UBR4: variants seen among roughly 807,000 people sequenced by gnomAD.
UBR4 encodes E3 ubiquitin-protein ligase UBR4.
A neutral mutation model predicts 575.6 loss-of-function variants in UBR4; 124 were observed. The observed-to-expected ratio is 0.22, with a 90% CI of 0.19 to 0.25. The LOEUF is 0.25. Ranked by LOEUF, UBR4 falls within the 10% of genes least tolerant of loss-of-function variation. The probability of loss-of-function intolerance (pLI) is 1.00; values close to 1 mark genes in which losing one functional copy is unlikely to be tolerated. For synonymous variants in UBR4, 2,455 were observed against 2,473.7 expected (o/e 0.99, Z 0.22); for missense variants, 4,818 against 6,478.8 (o/e 0.74, Z 8.80).
Position 19,113,743 on chromosome 1 carries a change from C to T in UBR4, c.11413G>A (p.Gly3805Arg), listed in dbSNP as rs2080168872. 6.2e-7 allele frequency: 1 copy of T among 1,614,084 alleles called. No homozygotes were observed. Among genetic ancestry groups the T allele is most frequent in the Non-Finnish European group, 8.5e-7 (1 of 1,180,046 alleles). ...YILQLAQEYC[G>R]DCKNSFDELS... ...TCATCAAAAGAGTTCTTGCAGTCTC[C>T]ACAATACTCCTGAGCCAACTGCAGG... Residue 3805 changes from glycine (G) to arginine (R), a missense_variant, in exon 77 of 106, where the codon GGA (glycine) becomes AGA (arginine). By Grantham distance (125) the Gly-to-Arg change is moderately radical. Around this residue, in one of 29 missense-constraint regions of UBR4, gnomAD observed 333 missense variants for 459.2 expected, o/e 0.73. Coordinates refer to ENST00000375254, the MANE Select transcript of UBR4 (RefSeq NM_020765.3).
chr1:19,141,770 C>T lies in UBR4; in HGVS notation c.8187G>A (p.Lys2729=). ...CTGCATCATCATCGTCATCATCATC[C>T]TTGTCTCCTGAGTCAAAGAAACCCC... ...SPRSNTPMGD[K]DDDDDDDADE... is the part of the protein sequence containing the mutation. Residue 2729 remains lysine (K), a synonymous_variant, in exon 56 of 106, where the codon AAG becomes AAA. Coordinates refer to ENST00000375254, the MANE Select transcript of UBR4 (RefSeq NM_020765.3). The T allele has an allele frequency of 6.2e-7, 1 of 1,614,048 alleles. No homozygotes were observed. The highest frequency in any genetic ancestry group is 8.5e-7 in the Non-Finnish European group (1 of 1,179,948).
At chr1:19,196,055 G>A (rs556675170) in intron 8 of UBR4, among the ~76,000 whole-genome samples, 121 of 147,146 alleles carry the variant, frequency 8.2e-4, no homozygotes, top group African/African-American at 2.8e-3. Context: ...TCTTGGATAC[G>A]TTTTGTCTGC....
intron 77 of UBR4, chr1:19,113,423 G>A (rs1280481988): frequency 6.5e-6 from 3 of 460,536 alleles, no homozygotes. Context: ...ACTAAGAGAT[G>A]GGTTGTTAAT....
Position 19,154,793 on chromosome 1 carries a change from A to T in UBR4, c.6458+125T>A, listed in dbSNP as rs2086223481. 8 of 1,363,732 alleles carry T rather than the reference A, an allele frequency of 5.9e-6. No homozygotes were observed. The South Asian group carries it at 1.1e-4, about 18-fold the overall frequency. The allele number at this position is 1,363,732 out of a possible 1,614,324, so 84.5% of individuals were successfully genotyped here. A position where few individuals can be genotyped will look rare whatever the true frequency, so the allele number is the denominator to read the frequency against. ...ATTTTAAAGATACCTAGCAGGGGAG[A>T]AAAAAAGGTTGGCTGGAGAAAATTA... On this transcript the variant is annotated intron_variant, in intron 44 of 105. Transcript: ENST00000375254.
rs528038202 is a variant in UBR4, at chr1:19,101,204, C to T, written c.13023+316G>A. ...ATATCTTTATATTCAAGCTCAATAC[C>T]GCTTCTTCCACAGTATGTTGGATTG... On this transcript the variant is annotated intron_variant, in intron 88 of 105. Coordinates refer to ENST00000375254, the MANE Select transcript of UBR4 (RefSeq NM_020765.3). 6.6e-5 allele frequency among the ~76,000 whole-genome samples: 10 copies of T among 152,200 alleles called. No individual in the cohort carries two copies. In the East Asian group the frequency reaches 1.3e-3, roughly 21 times the overall value.
At position 19,121,349 on chromosome 1, in the gene UBR4, C is replaced by G. The variant is rs1044010; in HGVS notation, c.9981G>C (p.Leu3327=). Residue 3327 remains leucine (L), a synonymous_variant, in exon 68 of 106, where the codon CTG becomes CTC. Transcript: ENST00000375254. ...GTGCAGCGAGCACCTTGCTGCCGCA[C>G]AGAGCACAGGAGAGCAGTTGCAGCA... ...PVLLQLLSCA[L]CGSKVLAALA... is the part of the protein sequence containing the mutation. The G allele has an allele frequency of 0.58, 931,629 of 1,613,838 alleles. 272,210 individuals carry two copies. The highest frequency in any genetic ancestry group is 0.78 in the East Asian group (35,148 of 44,850).
At chr1:19,165,533 G>C in intron 30 of UBR4, 123 bp downstream of exon 30, 2 of 1,139,780 alleles carry the variant, frequency 1.8e-6, no homozygotes, top group Middle Eastern at 2.1e-4. Flanking sequence ...ACTCCCCAAA[G>C]TGCAGACACC....
chr1:19,171,310 T>C (rs2089501020), intron 25 of UBR4, among the ~76,000 whole-genome samples: 2 of 152,234 alleles, frequency 1.3e-5, no homozygotes, highest in Non-Finnish European at 2.9e-5. Flanking sequence ...TAGGCCAGAT[T>C]AGAGTCTGTA....
intron 63 of UBR4, 50 bp from the exon 64 acceptor site, chr1:19,126,705 A>C (rs1489375405): frequency 6.3e-7 from 1 of 1,591,582 alleles, no homozygotes; most frequent in Non-Finnish European, 8.6e-7. Flanking sequence ...TGTAAAAACA[A>C]TGTGAAATCC....
intron 8 of UBR4, among the ~76,000 whole-genome samples, chr1:19,196,654 AACAG>A (rs1421126642): frequency 1.1e-4 from 16 of 152,342 alleles, no homozygotes; most frequent in African/African-American, 3.8e-4. Context: ...TATCAGTATA[AACAG>A]ATACCACCTG....
In UBR4 at chr1:19,121,551, A is replaced by G. The variant is rs1557670437; in HGVS notation, c.9896-117T>C. 3.8e-6 allele frequency: 5 copies of G among 1,305,098 alleles called. No individual in the cohort carries two copies. The Admixed American group carries it at 7.8e-5, about 20-fold the overall frequency. 80.8% of individuals were successfully genotyped at this position (1,305,098 alleles called of 1,614,324 possible). On this transcript the variant is annotated intron_variant, in intron 67 of 105. Transcript: ENST00000375254. ...CCTGTTCTCACCAGCTTTCTTTGCC[A>G]TGTTCTCTCTGCTGGACATTGTGAA...
In UBR4 at chr1:19,087,879, C is replaced by A. The variant is rs751750590; in HGVS notation, c.14481G>T (p.Met4827Ile). 6.2e-7 allele frequency: 1 copy of A among 1,610,954 alleles called. No homozygotes were observed. The highest frequency in any genetic ancestry group is 8.5e-7 in the Non-Finnish European group (1 of 1,178,336). The change falls in exon 99 of 106, where the codon ATG (methionine) becomes ATT (isoleucine). Residue 4827 changes from methionine to isoleucine, a missense_variant. By Grantham distance (10) the Met-to-Ile change is conservative. Coordinates refer to ENST00000375254, the MANE Select transcript of UBR4 (RefSeq NM_020765.3). ...VVTKTALLKQ[M>I]EELIEEPGLT... ...GGCCAGGCTCCTCGATCAGCTCTTC[C>A]ATCTGCTTCAGGAGTGCTGTCTTGG...
At chr1:19,197,061 T>C (rs1470456845) in intron 8 of UBR4, 80 bp downstream of exon 8, 7 of 1,536,676 alleles carry the variant, frequency 4.6e-6, no homozygotes. Context: ...GAGTAGAGTA[T>C]TCAGGAGGAT....
chr1:19,134,781 C>A (rs529048310), intron 60 of UBR4, among the ~76,000 whole-genome samples: 1 of 152,002 alleles, frequency 6.6e-6, no homozygotes, highest in South Asian at 2.1e-4. Flanking sequence ...AAGGCTATAC[C>A]CTCATTTTAA....
chr1:19,145,642 A>G (rs1430072331), intron 53 of UBR4, 151 bp downstream of exon 53: 11 of 1,007,904 alleles, frequency 1.1e-5, no homozygotes, highest in Non-Finnish European at 1.6e-5. Context: ...GGAACATTGC[A>G]TTTATCTCGC....
chr1:19,174,239 C>G, intron 22 of UBR4, 80 bp downstream of exon 22: 2 of 1,531,540 alleles, frequency 1.3e-6, no homozygotes, highest in African/African-American at 2.8e-5. Context: ...AAACTGGTTA[C>G]ATTTCAGAAG....
Position 19,128,327 on chromosome 1 carries a change from C to G in UBR4, c.9004-9G>C. 1 of 1,603,216 alleles carries G rather than the reference C, an allele frequency of 6.2e-7. No individual in the cohort carries two copies. Among genetic ancestry groups the G allele is most frequent in the African/African-American group, 1.3e-5 (1 of 74,668 alleles). On this transcript the variant is annotated splice_polypyrimidine_tract_variant and intron_variant, in intron 61 of 105. Coordinates refer to ENST00000375254, the MANE Select transcript of UBR4 (RefSeq NM_020765.3). ...GTGAGCATTAGAATGACCTAGAAGTCAAAGACAGAAAACACAAAACCCAAT... is the reference window on the plus strand; with the variant it reads ...GTGAGCATTAGAATGACCTAGAAGTGAAAGACAGAAAACACAAAACCCAAT...
At chr1:19,092,323 T>G (rs2077601601) in intron 97 of UBR4, among the ~76,000 whole-genome samples, 1 of 151,896 alleles carries the variant, frequency 6.6e-6, no homozygotes, top group Non-Finnish European at 1.5e-5. Flanking sequence ...ATCTCCAAAT[T>G]AAAACTTTGA....
In UBR4 at chr1:19,168,146, A is replaced by G. The variant is rs1284391023; in HGVS notation, c.3780T>C (p.Ser1260=). 1 of 1,602,638 alleles carries G rather than the reference A, an allele frequency of 6.2e-7. No individual in the cohort carries two copies. The change falls in exon 28 of 106, where the codon AGT becomes AGC. Residue 1260 remains serine (S), a synonymous_variant. Coordinates refer to ENST00000375254, the MANE Select transcript of UBR4 (RefSeq NM_020765.3). ...AFANDTIPSE[S]YISAVQAAHL... is the part of the protein sequence containing the mutation. ...GTGCAGCCTGCACTGCACTAATATA[A>G]CTCTCTGAAGGGATGGTGTCATTGG...
Sources: allele counts gnomAD v4.1 joint callset (sites outside exome capture counted in the v4.1 genomes callset), GRCh38; gene constraint gnomAD v4.1.1; regional missense constraint gnomAD v4.1.1; transcripts MANE v1.5; gene names NCBI Gene and HGNC (gene_info 2026-07-23, HGNC 2026-07-21).